The following UBR1 variants were observed in gnomAD, a reference collection of about 807,000 sequenced individuals.
The protein encoded by UBR1 is ubiquitin protein ligase E3 component n-recognin 1.
In UBR1, 102 loss-of-function variants were observed where a neutral mutation model predicts 242.1. The observed-to-expected ratio is 0.42, with a 90% CI of 0.36 to 0.50. UBR1 has a LOEUF of 0.50. Among genes scored for constraint, UBR1 ranks in the 20% least tolerant of loss-of-function variants. The pLI is 0.01. For synonymous variants in UBR1, 675 were observed against 684.8 expected (o/e 0.99, Z 0.22); for missense variants, 1,772 against 2,101.8 (o/e 0.84, Z 3.07).
chr15:43,038,545 G>T (rs1451490974), intron 15 of UBR1, among the ~76,000 whole-genome samples: 1 of 152,132 alleles, frequency 6.6e-6, no homozygotes, highest in Non-Finnish European at 1.5e-5. Context: ...AGTGAGCCAA[G>T]ATCATGCCAC....
At chr15:43,019,490 T>A (rs1425022362) in intron 27 of UBR1, among the ~76,000 whole-genome samples, 1 of 152,162 alleles carries the variant, frequency 6.6e-6, no homozygotes, top group Non-Finnish European at 1.5e-5. Context: ...CTACTTTATA[T>A]ATTCTGATTA....
At chr15:42,945,546 T>C (rs981490652) in intron 46 of UBR1, 76 bp from the exon 47 acceptor site, 1 of 1,566,826 alleles carries the variant, frequency 6.4e-7, no homozygotes, top group Middle Eastern at 1.7e-4. Context: ...TAAATTAGTA[T>C]GCACTCTTGA....
Position 43,068,829 on chromosome 15 carries a change from C to A in UBR1, c.660-793G>T, listed in dbSNP as rs577782397. Among the ~76,000 whole-genome samples, 4 of 152,212 alleles carry A rather than the reference C, an allele frequency of 2.6e-5. No individual in the cohort carries two copies. The South Asian group carries it at 8.3e-4, about 32-fold the overall frequency. On this transcript the variant is annotated intron_variant, in intron 5 of 46. Transcript: ENST00000290650. ...AGAGACAGGGTTTCACCATGTTGGC[C>A]AAGCTGCTCTTGAACTCCTGACCTC... is the stretch of plus-strand genomic sequence containing the variant.
intron 3 of UBR1, among the ~76,000 whole-genome samples, chr15:43,079,146 A>T (rs2033943850): frequency 6.6e-6 from 1 of 152,024 alleles, no homozygotes; most frequent in African/African-American, 2.4e-5. Context: ...CGAAGAAGAA[A>T]ATCAAAACAA....
chr15:43,021,284 C>A lies in UBR1; in HGVS notation c.2931G>T (p.Trp977Cys). Residue 977 changes from tryptophan (W) to cysteine (C), a missense_variant, in exon 27 of 47, where the codon TGG becomes TGT. By Grantham distance (215) the Trp-to-Cys change is radical (BLOSUM62 -2). This residue lies in a region of UBR1 where 965 missense variants were observed against 1,079.7 expected (regional missense o/e 0.89). Transcript: ENST00000290650. ...TACTTTTTTAGTTTACCTGAAGTAT[C>A]CACGTTATCATGTCCTTCTGGCCTT... is the stretch of plus-strand genomic sequence containing the variant. ...QLEGQKDMITWILQMFDTVKR... is the reference protein window; with the variant it reads ...QLEGQKDMITCILQMFDTVKR... The A allele has an allele frequency of 6.2e-7, 1 of 1,613,542 alleles. No individual in the cohort carries two copies. Among genetic ancestry groups the A allele is most frequent in the South Asian group, 1.1e-5 (1 of 91,074 alleles).
At chr15:43,000,511 C>T (rs1354622915) in intron 32 of UBR1, among the ~76,000 whole-genome samples, 1 of 152,116 alleles carries the variant, frequency 6.6e-6, no homozygotes, top group Non-Finnish European at 1.5e-5. Context: ...TTATGATTTC[C>T]TTTATCTTTG....
intron 10 of UBR1, 36 bp from the exon 11 acceptor site, chr15:43,056,478 CT>C (rs1368799249): frequency 7.0e-7 from 1 of 1,436,132 alleles, no homozygotes; most frequent in East Asian, 2.3e-5. Context: ...TTATAAATCA[CT>C]ACTAAAGACC....
Position 43,050,586 on chromosome 15 carries a change from T to A in UBR1, c.1440-2095A>T, listed in dbSNP as rs1280453284. 3.3e-5 allele frequency among the ~76,000 whole-genome samples: 5 copies of A among 152,076 alleles called. No homozygotes were observed. In the East Asian group the frequency reaches 9.7e-4, roughly 29 times the overall value. ...TAAATTACAATAAATTAGCCAGGCATGACAGCATGTGCCTGTAGTCCCAGC... is the reference window on the plus strand; with the variant it reads ...TAAATTACAATAAATTAGCCAGGCAAGACAGCATGTGCCTGTAGTCCCAGC... On this transcript the variant is annotated intron_variant, in intron 12 of 46. Coordinates refer to ENST00000290650, the MANE Select transcript of UBR1 (RefSeq NM_174916.3).
chr15:42,952,862 T>C (rs1449674753), intron 44 of UBR1, among the ~76,000 whole-genome samples: 1 of 152,154 alleles, frequency 6.6e-6, no homozygotes, highest in Admixed American at 6.5e-5. Context: ...AAGTATGCAA[T>C]TGTTTAAAAG....
rs933446747 is a variant in UBR1, at chr15:43,015,949, T to A, written c.3028-80A>T. The A allele has an allele frequency of 3.7e-6, 5 of 1,341,958 alleles. No individual in the cohort carries two copies. The African/African-American group carries it at 7.2e-5, about 19-fold the overall frequency. The allele number at this position is 1,341,958 out of a possible 1,614,324, so 83.1% of individuals were successfully genotyped here. On this transcript the variant is annotated intron_variant, in intron 28 of 46. Transcript: ENST00000290650. ...ACGCTGTTTGGATGGCAAAATTCCT[T>A]AGAATAAGATTCTGAAACCCTGATT...
At chr15:43,076,697 C>T (rs1159021644) in intron 3 of UBR1, among the ~76,000 whole-genome samples, 1 of 145,282 alleles carries the variant, frequency 6.9e-6, no homozygotes, top group Non-Finnish European at 1.5e-5. Flanking sequence ...GTGAGGAGCC[C>T]CTCCGTCCGG....
chr15:42,967,358 T>C (rs1159039346), intron 40 of UBR1, among the ~76,000 whole-genome samples: 1 of 151,034 alleles, frequency 6.6e-6, no homozygotes, highest in Non-Finnish European at 1.5e-5. Flanking sequence ...CCACCGTGAC[T>C]GGCCTAAAAT....
chr15:43,053,525 T>A (rs2033580890), intron 12 of UBR1, among the ~76,000 whole-genome samples: 1 of 152,226 alleles, frequency 6.6e-6, no homozygotes, highest in East Asian at 1.9e-4. Context: ...TGGCTATATA[T>A]TGATTCACTA....
intron 3 of UBR1, among the ~76,000 whole-genome samples, chr15:43,082,115 T>G (rs1245247480): frequency 6.6e-6 from 1 of 150,700 alleles, no homozygotes; most frequent in African/African-American, 2.4e-5. Flanking sequence ...TTAAAAGAGA[T>G]AGTTGCAGAA....
At chr15:42,976,632 A>G (rs759048776) in intron 39 of UBR1, 85 bp downstream of exon 39, 39 of 1,500,246 alleles carry the variant, frequency 2.6e-5, no homozygotes, top group Admixed American at 6.7e-5. Flanking sequence ...CTAGAAATAC[A>G]TTATATAATC....
At position 43,033,158 on chromosome 15, in the gene UBR1, G is replaced by A. The variant is rs181663407; in HGVS notation, c.2191-527C>T. ...TAAAAACATTTTTTGGCCAGGTGCA[G>A]TGGCATGCGCCACTGCTCCTGGCTA... On this transcript the variant is annotated intron_variant, in intron 19 of 46. Transcript: ENST00000290650. Among the ~76,000 whole-genome samples the A allele has an allele frequency of 1.6e-3, 251 of 152,164 alleles. 1 individual carries two copies. The highest frequency in any genetic ancestry group is 2.0e-3 in the Non-Finnish European group (134 of 67,990).
At chr15:43,032,727 G>A (rs1289713222) in intron 19 of UBR1, 96 bp from the exon 20 acceptor site, 1 of 745,874 alleles carries the variant, frequency 1.3e-6, no homozygotes, top group East Asian at 2.8e-5. Flanking sequence ...ATCCAGCCTA[G>A]TATTTTTCAT....
intron 44 of UBR1, among the ~76,000 whole-genome samples, chr15:42,955,422 A>G (rs2031902393): frequency 6.6e-6 from 1 of 152,186 alleles, no homozygotes; most frequent in Non-Finnish European, 1.5e-5. Flanking sequence ...CTCTTAAAGG[A>G]GCTTTGGAAT....
intron 33 of UBR1, among the ~76,000 whole-genome samples, chr15:42,991,041 G>A (rs532034851): frequency 5.3e-4 from 81 of 151,470 alleles, no homozygotes; most frequent in Admixed American, 8.5e-4. Flanking sequence ...TTGGGAGGCC[G>A]CAGTGAGAGG....
Sources: gnomAD v4.1 joint callset for allele counts (sites outside exome capture counted in the v4.1 genomes callset) on GRCh38, gnomAD v4.1.1 for gene constraint, gnomAD v4.1.1 regional missense constraint, MANE v1.5 for transcripts, NCBI Gene and HGNC (gene_info 2026-07-23, HGNC 2026-07-21) for gene names.